The following CCDC146 variants were observed in gnomAD, a reference collection of about 807,000 sequenced individuals.
CCDC146 encodes the protein coiled-coil domain-containing protein 146.
Under a neutral mutation model 119.3 loss-of-function variants are expected in CCDC146, and 92 were observed. That is an observed-to-expected ratio of 0.77 (90% CI 0.65 to 0.92). The LOEUF (loss-of-function observed/expected upper bound fraction) is 0.92. Ranked by LOEUF, CCDC146 falls within the 40% of genes least tolerant of loss-of-function variation. The probability of loss-of-function intolerance (pLI) is 0.00; values close to 1 mark genes in which losing one functional copy is unlikely to be tolerated. For missense variants in CCDC146, 1,000 were observed against 1,103.0 expected, an observed-to-expected ratio of 0.91 and a Z score of 1.32; for synonymous variants, 372 against 371.8, an observed-to-expected ratio of 1.00 and a Z score of -0.01.
intron 2 of CCDC146, among the ~76,000 whole-genome samples, chr7:77,173,623 G>A (rs1041666874): frequency 5.9e-5 from 9 of 152,120 alleles, no homozygotes; most frequent in African/African-American, 9.7e-5. Flanking sequence ...GTGAAACTGC[G>A]TCTCAAAAAC....
At chr7:77,282,836 C>A in intron 15 of CCDC146, 51 bp downstream of exon 15, 1 of 1,335,044 alleles carries the variant, frequency 7.5e-7, no homozygotes, top group Non-Finnish European at 1.1e-6. Flanking sequence ...TTTTTTCTGC[C>A]TTTATTAGTT....
At chr7:77,146,919 T>TG in intron 1 of CCDC146, among the ~76,000 whole-genome samples, 1 of 152,196 alleles carries the variant, frequency 6.6e-6, no homozygotes, top group Non-Finnish European at 1.5e-5. Context: ...AGTATCTTTG[T>TG]GGCATTCTCT....
intron 2 of CCDC146, among the ~76,000 whole-genome samples, chr7:77,213,651 G>T (rs1792246103): frequency 6.6e-6 from 1 of 152,050 alleles, no homozygotes; most frequent in Admixed American, 6.6e-5. Context: ...AGTCCCCAGT[G>T]TCTATTGTTT....
chr7:77,284,846 C>T (rs552063054), intron 15 of CCDC146, among the ~76,000 whole-genome samples: 2 of 151,878 alleles, frequency 1.3e-5, no homozygotes, highest in South Asian at 2.1e-4. Flanking sequence ...ATTATCTGCT[C>T]AGCATCAATC....
At chr7:77,210,460 A>G (rs969334054) in intron 2 of CCDC146, among the ~76,000 whole-genome samples, 2 of 152,188 alleles carry the variant, frequency 1.3e-5, no homozygotes, top group African/African-American at 2.4e-5. Context: ...CCATATCACT[A>G]TCAGCATTTT....
chr7:77,152,981 G>A (rs1305809907), intron 1 of CCDC146, among the ~76,000 whole-genome samples: 1 of 152,150 alleles, frequency 6.6e-6, no homozygotes, highest in Non-Finnish European at 1.5e-5. Flanking sequence ...GCTACTAAGA[G>A]GTTGCATACT....
chr7:77,130,122 A>G (rs1221205606), intron 1 of CCDC146, among the ~76,000 whole-genome samples: 3 of 152,168 alleles, frequency 2.0e-5, no homozygotes. Flanking sequence ...TGAGGTTGCT[A>G]AAATCTATGA....
At chr7:77,171,165 CACA>C (rs1465619566) in intron 2 of CCDC146, among the ~76,000 whole-genome samples, 1 of 152,168 alleles carries the variant, frequency 6.6e-6, no homozygotes, top group Admixed American at 6.5e-5. Flanking sequence ...TGACTCAACA[CACA>C]CTTATGATGT....
intron 9 of CCDC146, among the ~76,000 whole-genome samples, chr7:77,264,688 T>C (rs1793367469): frequency 6.6e-6 from 1 of 152,252 alleles, no homozygotes; most frequent in African/African-American, 2.4e-5. Flanking sequence ...AATTAATACT[T>C]AATGTAATTG....
At chr7:77,168,869 C>A (rs1168682055) in intron 2 of CCDC146, among the ~76,000 whole-genome samples, 1 of 151,854 alleles carries the variant, frequency 6.6e-6, no homozygotes, top group Non-Finnish European at 1.5e-5. Context: ...ACACGATGCC[C>A]CTTTATACCT....
At chr7:77,188,896 G>A (rs1459334113) in intron 2 of CCDC146, among the ~76,000 whole-genome samples, 1 of 152,110 alleles carries the variant, frequency 6.6e-6, no homozygotes, top group Non-Finnish European at 1.5e-5. Context: ...ATCATTACAG[G>A]GTGGATGGGT....
chr7:77,136,790 C>G (rs1487636503), intron 1 of CCDC146, among the ~76,000 whole-genome samples: 2 of 152,142 alleles, frequency 1.3e-5, no homozygotes. Flanking sequence ...AATGCCAAAT[C>G]TAGACAAAGA....
chr7:77,233,978 C>T (rs1792686093), intron 2 of CCDC146, among the ~76,000 whole-genome samples: 1 of 150,666 alleles, frequency 6.6e-6, no homozygotes, highest in Non-Finnish European at 1.5e-5. Flanking sequence ...ATATTCATTT[C>T]TGTTTTTTTT....
At chr7:77,250,478 C>T (rs1416792614) in intron 4 of CCDC146, among the ~76,000 whole-genome samples, 1 of 152,186 alleles carries the variant, frequency 6.6e-6, no homozygotes, top group Non-Finnish European at 1.5e-5. Context: ...TTTTTTCTCT[C>T]AACACTTTAA....
At chr7:77,267,130 T>G (rs915878547) in intron 9 of CCDC146, among the ~76,000 whole-genome samples, 4 of 152,014 alleles carry the variant, frequency 2.6e-5, no homozygotes, top group Non-Finnish European at 4.4e-5. Context: ...GTAGCTGGGA[T>G]TACATGCACC....
chr7:77,276,929 T>G (rs183889507), intron 11 of CCDC146, among the ~76,000 whole-genome samples: 27 of 152,140 alleles, frequency 1.8e-4, no homozygotes, highest in Non-Finnish European at 3.2e-4. Flanking sequence ...AAAATTAGCC[T>G]GGCGTGGTGG....
At chr7:77,275,457 A>T (rs113383680) in intron 11 of CCDC146, among the ~76,000 whole-genome samples, 21 of 152,354 alleles carry the variant, frequency 1.4e-4, no homozygotes, top group African/African-American at 5.1e-4. Flanking sequence ...GGGAAAGGAG[A>T]TCATTGATAA....
At chr7:77,249,040 T>C (rs1793007040) in intron 4 of CCDC146, among the ~76,000 whole-genome samples, 1 of 152,206 alleles carries the variant, frequency 6.6e-6, no homozygotes, top group Admixed American at 6.5e-5. Flanking sequence ...TGAGTTTGAC[T>C]ATGTCCTTAA....
At chr7:77,183,048 C>T (rs1219035592) in intron 2 of CCDC146, among the ~76,000 whole-genome samples, 1 of 152,156 alleles carries the variant, frequency 6.6e-6, no homozygotes, top group Admixed American at 6.6e-5. Context: ...AGCAATATGG[C>T]TGTGCTGAAA....
Sources: allele counts gnomAD v4.1 joint callset (sites outside exome capture counted in the v4.1 genomes callset), GRCh38; gene constraint gnomAD v4.1.1; transcripts MANE v1.5; gene names NCBI Gene and HGNC (gene_info 2026-07-23, HGNC 2026-07-21).